The following RIMKLB variants were observed in gnomAD, a reference collection of about 807,000 sequenced individuals.
RIMKLB encodes the protein ribosomal modification protein rimK like family member B.
RIMKLB carries 7 observed loss-of-function variants against 32.0 expected under a neutral mutation model. That is an observed-to-expected ratio of 0.22 (90% CI 0.12 to 0.41). The LOEUF (loss-of-function observed/expected upper bound fraction) is 0.41. RIMKLB is among the 10% of genes least tolerant of loss of function. The probability of loss-of-function intolerance (pLI) is 1.00; values close to 1 mark genes in which losing one functional copy is unlikely to be tolerated. For missense variants in RIMKLB, 289 were observed against 498.7 expected (o/e 0.58, Z 4.00); for synonymous variants, 172 against 185.1 (o/e 0.93, Z 0.57).
Position 8,775,414 on chromosome 12 carries a change from A to G in RIMKLB, c.*1630A>G, listed in dbSNP as rs755609285. ...AATCCCATTGATGGGTTTGGATGGT[A>G]TGTTAAGAAATGGAGATGCTGCAGA... is the stretch of plus-strand genomic sequence containing the variant. On this transcript the variant is annotated 3_prime_UTR_variant, in exon 6 of 6. Transcript: ENST00000535829. 5.2e-5 allele frequency: 51 copies of G among 985,416 alleles called. No homozygotes were observed. The highest frequency in any genetic ancestry group is 6.0e-5 in the Non-Finnish European group (50 of 829,890). 61.0% of individuals were successfully genotyped at this position (985,416 alleles called of 1,614,324 possible).
At chr12:8,777,237 T>TC, downstream of RIMKLB, 8 of 973,142 alleles carry the variant, frequency 8.2e-6, no homozygotes, top group Non-Finnish European at 9.7e-6. Flanking sequence ...TTTTTTTTTT[T>TC]TTTCTTCTTA....
At chr12:8,692,262 C>T (rs888945065), upstream of RIMKLB, among the ~76,000 whole-genome samples, 21 of 152,152 alleles carry the variant, frequency 1.4e-4, no homozygotes, top group Admixed American at 3.9e-4. Flanking sequence ...CTTGAGGCTA[C>T]AATGAGTTTA....
chr12:8,697,720 C>A, upstream of RIMKLB: 1 of 272,274 alleles, frequency 3.7e-6, no homozygotes, highest in South Asian at 2.6e-5. Flanking sequence ...CTCTCTTCCC[C>A]CGAGGCCAGC....
At chr12:8,670,346 C>T in the RIMKLB span, among the ~76,000 whole-genome samples, 5 of 152,196 alleles carry the variant, frequency 3.3e-5, no homozygotes, top group African/African-American at 9.6e-5. Context: ...AAGCTAGTTA[C>T]TTCCTAGATA....
chr12:8,686,288 CTCATT>C (rs1942569524), intron 1 of RIMKLB, among the ~76,000 whole-genome samples: 1 of 149,806 alleles, frequency 6.7e-6, no homozygotes, highest in Non-Finnish European at 1.5e-5. Flanking sequence ...CTCCTCTCCT[CTCATT>C]TCCTTTCCTT....
chr12:8,708,376 T>C (rs541626772), intron 1 of RIMKLB, among the ~76,000 whole-genome samples: 9 of 152,180 alleles, frequency 5.9e-5, no homozygotes, highest in Non-Finnish European at 1.0e-4. Context: ...GAAATGACTT[T>C]CATTTTAACT....
chr12:8,727,632 C>G (rs367992450), intron 2 of RIMKLB, among the ~76,000 whole-genome samples: 3 of 152,120 alleles, frequency 2.0e-5, no homozygotes, highest in Non-Finnish European at 4.4e-5. Context: ...TTTGGCCGGA[C>G]CTTGTTGGCT....
intron 2 of RIMKLB, among the ~76,000 whole-genome samples, chr12:8,741,715 G>C (rs919602954): frequency 2.0e-5 from 3 of 151,396 alleles, no homozygotes; most frequent in African/African-American, 7.3e-5. Flanking sequence ...AGGAGGCAGA[G>C]CTTGCAGTGA....
At chr12:8,767,740 C>A (rs1025415706) in intron 5 of RIMKLB, among the ~76,000 whole-genome samples, 13 of 152,140 alleles carry the variant, frequency 8.5e-5, no homozygotes, top group African/African-American at 3.1e-4. Context: ...TGGTTCCAGG[C>A]AGACCAACGC....
intron 5 of RIMKLB, among the ~76,000 whole-genome samples, chr12:8,769,289 AT>A (rs1433994056): frequency 1.3e-5 from 2 of 151,654 alleles, no homozygotes; most frequent in African/African-American, 4.8e-5. Context: ...TTTTAATTTC[AT>A]TAATTTTTTT....
At chr12:8,712,943 GTTGC>G (rs1328539795) in intron 1 of RIMKLB, among the ~76,000 whole-genome samples, 1 of 151,964 alleles carries the variant, frequency 6.6e-6, no homozygotes, top group Admixed American at 6.6e-5. Flanking sequence ...AAATCGTTTT[GTTGC>G]TTGTTCTGAA....
chr12:8,709,053 C>A (rs1049546930), intron 1 of RIMKLB, among the ~76,000 whole-genome samples: 4 of 152,144 alleles, frequency 2.6e-5, no homozygotes, highest in Non-Finnish European at 5.9e-5. Flanking sequence ...CGGTACTCAT[C>A]TATACTATAT....
At chr12:8,766,374 CAG>C (rs1949968785) in intron 5 of RIMKLB, among the ~76,000 whole-genome samples, 1 of 152,130 alleles carries the variant, frequency 6.6e-6, no homozygotes, top group African/African-American at 2.4e-5. Flanking sequence ...CCTTTGCACT[CAG>C]AGGTGAATTC....
chr12:8,774,839 T>C lies in RIMKLB; in HGVS notation c.*1055T>C, dbSNP rs759032701. The stretch of plus-strand genomic sequence containing the variant: ...GAAGTGATTTCGAATGCCAGCGTTA[T>C]ATATTTGCATTTTTCACATTTTACG... On this transcript the variant is annotated 3_prime_UTR_variant, in exon 6 of 6. Coordinates refer to ENST00000535829, the MANE Select transcript of RIMKLB (RefSeq NM_001297776.2). 1 of 985,642 alleles carries C rather than the reference T, an allele frequency of 1.0e-6. No homozygotes were observed. The highest frequency in any genetic ancestry group is 1.2e-6 in the Non-Finnish European group (1 of 829,902). The allele number at this position is 985,642 out of a possible 1,614,324, so 61.1% of individuals were successfully genotyped here.
the RIMKLB span, among the ~76,000 whole-genome samples, chr12:8,674,531 G>A: frequency 2.0e-5 from 3 of 151,266 alleles, no homozygotes; most frequent in East Asian, 2.0e-4. Context: ...GAGCCACCGC[G>A]CCCAGCCCTT....
Position 8,755,301 on chromosome 12 carries a change from A to G in RIMKLB, c.697+1208A>G, listed in dbSNP as rs145481851. ...TTTTTTGTAGAGATAGGGTCTCCCT[A>G]TGTTGCTCAGGCTGGTTTCAAACTC... On this transcript the variant is annotated intron_variant, in intron 5 of 5. Transcript: ENST00000535829. 1.9e-4 allele frequency among the ~76,000 whole-genome samples: 28 copies of G among 150,040 alleles called. No individual in the cohort carries two copies. In the East Asian group the frequency reaches 4.5e-3, roughly 24 times the overall value.
chr12:8,679,728 A>G (rs1942368768), upstream of RIMKLB: 1 of 152,188 alleles, frequency 6.6e-6, no homozygotes, highest in African/African-American at 2.4e-5. Context: ...AAGGTCTTGT[A>G]TTCATATTTA....
At chr12:8,741,244 G>C (rs111819229) in intron 2 of RIMKLB, among the ~76,000 whole-genome samples, 3,746 of 149,838 alleles carry the variant, frequency 0.025, 221 homozygotes, top group African/African-American at 0.088. Flanking sequence ...TAGGTGTGGT[G>C]GTGTGTGTCT....
chr12:8,697,335 A>G (rs1300948831), upstream of RIMKLB: 1 of 152,282 alleles, frequency 6.6e-6, no homozygotes, highest in Non-Finnish European at 1.5e-5. Flanking sequence ...CCTTCTAGGT[A>G]TGAATGATCT....
Sources: gnomAD v4.1 joint callset for allele counts (sites outside exome capture counted in the v4.1 genomes callset) on GRCh38, gnomAD v4.1.1 for gene constraint, MANE v1.5 for transcripts, NCBI Gene and HGNC (gene_info 2026-07-23, HGNC 2026-07-21) for gene names.